Variants in TSC22D3 observed in about 807,000 individuals in gnomAD.
TSC22D3 encodes TSC22 domain family member 3.
A neutral mutation model predicts 11.1 loss-of-function variants in TSC22D3; 4 were observed. The observed-to-expected ratio is 0.36, with a 90% CI of 0.18 to 0.83. The LOEUF (loss-of-function observed/expected upper bound fraction) is 0.83, where lower values mean the gene tolerates loss of function less well. Among genes scored for constraint, TSC22D3 ranks in the 40% least tolerant of loss-of-function variants. The probability of loss-of-function intolerance (pLI) is 0.48; values close to 1 mark genes in which losing one functional copy is unlikely to be tolerated. For synonymous variants in TSC22D3, 77 were observed against 70.3 expected (o/e 1.10, Z -0.48); for missense variants, 118 against 159.4 (o/e 0.74, Z 1.40).
intron 1 of TSC22D3, among the ~76,000 whole-genome samples, chrX:107,728,458 A>G (rs1172725226): frequency 1.8e-5 from 2 of 112,892 alleles, no homozygotes; most frequent in African/African-American, 6.4e-5. Flanking sequence ...CACTAATGCT[A>G]GGACTTTGGT....
rs1930105832 is a variant in TSC22D3 at position 107,775,675 on chromosome X, TCTCCTCCCC to T, written c.-265_-257del. 1 of 254,273 alleles carries T rather than the reference TCTCCTCCCC, an allele frequency of 3.9e-6. No individual in the cohort carries two copies. The highest frequency in any genetic ancestry group is 2.8e-5 in the African/African-American group (1 of 35,343). The allele number at this position is 254,273 out of a possible 1,213,427, so 21.0% of individuals were successfully genotyped here. On this transcript the variant is annotated 5_prime_UTR_variant, in exon 1 of 3. Transcript: ENST00000372383. ...GGGCTCACTTCCTCCTCTTCCTCCTTCTCCTCCCCCTCCTCTTGAGGCCGGGGGCCGCCC... is the reference window on the plus strand; with the variant it reads ...GGGCTCACTTCCTCCTCTTCCTCCTTCTCCTCTTGAGGCCGGGGGCCGCCC...
intron 1 of TSC22D3, among the ~76,000 whole-genome samples, chrX:107,744,235 G>A (rs758630161): frequency 1.6e-3 from 176 of 111,817 alleles, no homozygotes; most frequent in Non-Finnish European, 2.4e-3. Flanking sequence ...ACTGCCAGCC[G>A]CTAACCCTTC....
In TSC22D3 at chrX:107,745,724, A is replaced by T. The variant is rs1338206621; in HGVS notation, c.320+29376T>A. Among the ~76,000 whole-genome samples, 4 of 112,433 alleles carry T rather than the reference A, an allele frequency of 3.6e-5. No individual in the cohort carries two copies. In the East Asian group the frequency reaches 1.1e-3, roughly 31 times the overall value. On this transcript the variant is annotated intron_variant, in intron 1 of 2. Transcript: ENST00000372383. Reference sequence around the variant, plus strand: ...TTGAAAGAGAGAACCACTTACTATTAACCAAGTCATTAATTAGGGTCATGT... The same window carrying T: ...TTGAAAGAGAGAACCACTTACTATTTACCAAGTCATTAATTAGGGTCATGT...
intron 1 of TSC22D3, among the ~76,000 whole-genome samples, chrX:107,744,258 G>T (rs1928554704): frequency 9.0e-6 from 1 of 111,704 alleles, no homozygotes; most frequent in Non-Finnish European, 1.9e-5. Context: ...TATAGCCAGT[G>T]TGGAAATAGC....
At chrX:107,771,236 C>T (rs1929893474) in intron 1 of TSC22D3, among the ~76,000 whole-genome samples, 1 of 112,363 alleles carries the variant, frequency 8.9e-6, no homozygotes, top group African/African-American at 3.2e-5. Context: ...GGGCAAGATA[C>T]TTAATTTTTT....
intron 1 of TSC22D3, among the ~76,000 whole-genome samples, chrX:107,732,786 C>T (rs1004521222): frequency 1.8e-5 from 2 of 111,212 alleles, no homozygotes; most frequent in African/African-American, 3.3e-5. Flanking sequence ...AATTTCTGGT[C>T]CCATCTCTGC....
rs1491305454 is a variant in TSC22D3, at chrX:107,742,279, GAA to G, written c.321-26331_321-26330del. On this transcript the variant is annotated intron_variant, in intron 1 of 2. Coordinates refer to ENST00000372383, the MANE Select transcript of TSC22D3 (RefSeq NM_198057.3). ...TGTATTTGAGAGAGAGAGAGAGAGAGAAAGAGAGAGAGAGAGAGAGAGAGAGA... is the reference window on the plus strand; with the variant it reads ...TGTATTTGAGAGAGAGAGAGAGAGAGAGAGAGAGAGAGAGAGAGAGAGAGA... 9.7e-3 allele frequency among the ~76,000 whole-genome samples: 610 copies of G among 62,681 alleles called. 12 individuals are homozygous for G. The highest frequency in any genetic ancestry group is 0.027 in the Admixed American group (158 of 5,805). 54.4% of individuals were successfully genotyped at this position (62,681 alleles called of 115,157 possible).
intron 1 of TSC22D3, among the ~76,000 whole-genome samples, chrX:107,725,528 G>A (rs1232015884): frequency 8.9e-6 from 1 of 111,977 alleles, no homozygotes; most frequent in Non-Finnish European, 1.9e-5. Flanking sequence ...AGCCCCTATG[G>A]TGCCAGGGGC....
chrX:107,747,309 G>A (rs1257093549), intron 1 of TSC22D3, among the ~76,000 whole-genome samples: 1 of 112,335 alleles, frequency 8.9e-6, no homozygotes, highest in Non-Finnish European at 1.9e-5. Context: ...CTCTGTTCTG[G>A]CCAAAGACTC....
intron 1 of TSC22D3, among the ~76,000 whole-genome samples, chrX:107,728,161 GAA>G (rs57115540): frequency 9.9e-6 from 1 of 101,246 alleles, no homozygotes; most frequent in East Asian, 3.0e-4. Flanking sequence ...TGCTTAGTAA[GAA>G]AAAAAAAAAA....
intron 1 of TSC22D3, among the ~76,000 whole-genome samples, chrX:107,755,423 C>T (rs1031595511): frequency 8.9e-6 from 1 of 112,182 alleles, no homozygotes; most frequent in South Asian, 3.7e-4. Flanking sequence ...TGAGGTGTAA[C>T]CCAGACAGAA....
intron 1 of TSC22D3, among the ~76,000 whole-genome samples, chrX:107,720,776 G>A (rs1423195525): frequency 9.3e-6 from 1 of 107,348 alleles, no homozygotes; most frequent in Non-Finnish European, 1.9e-5. Flanking sequence ...GGGTGGGGGT[G>A]GGGGAAGGAG....
chrX:107,771,362 A>G (rs1224368478), intron 1 of TSC22D3, among the ~76,000 whole-genome samples: 1 of 112,140 alleles, frequency 8.9e-6, no homozygotes, highest in Non-Finnish European at 1.9e-5. Flanking sequence ...AGGCTGGTGG[A>G]TCATTTGAGA....
At position 107,759,316 on chromosome X, in the gene TSC22D3, TGG is replaced by T. The variant is rs1929326192; in HGVS notation, c.320+15782_320+15783del. The stretch of plus-strand genomic sequence containing the variant: ...CCTGCCCAATACCATTCTGACATTC[TGG>T]GGTTCAGTGACTTATTCATTCAAGT... On this transcript the variant is annotated intron_variant, in intron 1 of 2. Coordinates refer to ENST00000372383, the MANE Select transcript of TSC22D3 (RefSeq NM_198057.3). Among the ~76,000 whole-genome samples the T allele has an allele frequency of 2.7e-5, 3 of 111,438 alleles. No homozygotes were observed. In the South Asian group the frequency reaches 1.1e-3, roughly 42 times the overall value.
chrX:107,731,598 G>C (rs759457834), intron 1 of TSC22D3, among the ~76,000 whole-genome samples: 1 of 111,879 alleles, frequency 8.9e-6, no homozygotes, highest in South Asian at 3.7e-4. Context: ...ATGAATGAAT[G>C]GATGGCAAGA....
At chrX:107,737,348 G>A (rs1290220821) in intron 1 of TSC22D3, among the ~76,000 whole-genome samples, 2 of 112,185 alleles carry the variant, frequency 1.8e-5, no homozygotes, top group South Asian at 3.7e-4. Flanking sequence ...TAGAGATTCT[G>A]GAAGCTCAAC....
At chrX:107,735,034 C>T (rs1411565116) in intron 1 of TSC22D3, among the ~76,000 whole-genome samples, 1 of 111,383 alleles carries the variant, frequency 9.0e-6, no homozygotes, top group African/African-American at 3.3e-5. Context: ...TTACCCGACC[C>T]TCACTGTCCT....
intron 1 of TSC22D3, among the ~76,000 whole-genome samples, chrX:107,745,655 T>TGC (rs1324567901): frequency 1.8e-5 from 2 of 112,763 alleles, no homozygotes; most frequent in Non-Finnish European, 3.7e-5. Flanking sequence ...AAAAGTAGCC[T>TGC]GCGACCTATA....
intron 1 of TSC22D3, among the ~76,000 whole-genome samples, chrX:107,773,645 C>T (rs1369146073): frequency 8.9e-6 from 1 of 111,850 alleles, no homozygotes; most frequent in Non-Finnish European, 1.9e-5. Context: ...AATTTGATGC[C>T]TAAAGTGAAA....
Sources: allele counts gnomAD v4.1 joint callset (sites outside exome capture counted in the v4.1 genomes callset), GRCh38; gene constraint gnomAD v4.1.1; transcripts MANE v1.5; gene names NCBI Gene and HGNC (gene_info 2026-07-23, HGNC 2026-07-21).